Variants in AMBP observed in about 807,000 individuals in gnomAD.
The protein encoded by AMBP is protein AMBP.
A neutral mutation model predicts 46.3 loss-of-function variants in AMBP; 37 were observed. That is an observed-to-expected ratio of 0.80 (90% CI 0.61 to 1.05). The LOEUF is 1.05. Among genes scored for constraint, AMBP ranks in the 50% least tolerant of loss-of-function variants. The pLI is 0.00. For synonymous variants in AMBP, 174 were observed against 175.9 expected, an observed-to-expected ratio of 0.99 and a Z score of 0.09; for missense variants, 475 against 461.2, an observed-to-expected ratio of 1.03 and a Z score of -0.27.
At chr9:114,073,267 GAC>G (rs1846765133) in intron 4 of AMBP, among the ~76,000 whole-genome samples, 1 of 148,308 alleles carries the variant, frequency 6.7e-6, no homozygotes. Context: ...TTTTTTTTGA[GAC>G]GGAGTCTCAC....
intron 5 of AMBP, 27 bp from the exon 6 acceptor site, chr9:114,069,772 T>C: frequency 2.5e-6 from 4 of 1,613,194 alleles, no homozygotes; most frequent in Non-Finnish European, 3.4e-6. Flanking sequence ...GAGAGAGGAG[T>C]GAATAACAGG....
chr9:114,065,547 A>G (rs1846685952), intron 6 of AMBP, among the ~76,000 whole-genome samples: 1 of 152,144 alleles, frequency 6.6e-6, no homozygotes, highest in African/African-American at 2.4e-5. Context: ...TTAAATCCCC[A>G]GCTTGTGGTT....
chr9:114,078,102 A>C lies in AMBP; in HGVS notation c.108T>G (p.Asn36Lys). ...PDNIQVQENF[N>K]ISRIYGKWYN... Reference sequence around the variant, plus strand: ...AGAGCGGCAGCCTTACCCGAGAGATATTGAAGTTTTCCTGCACTTGGATGT... The same window carrying C: ...AGAGCGGCAGCCTTACCCGAGAGATCTTGAAGTTTTCCTGCACTTGGATGT... Residue 36 changes from asparagine to lysine, a missense_variant, in exon 1 of 10, where the codon AAT becomes AAG. This residue lies in a region of AMBP where 179 missense variants were observed against 167.4 expected (regional missense o/e 1.07). Coordinates refer to ENST00000265132, the MANE Select transcript of AMBP (RefSeq NM_001633.4). 6.2e-7 allele frequency: 1 copy of C among 1,613,984 alleles called. No homozygotes were observed. Among genetic ancestry groups the C allele is most frequent in the South Asian group, 1.1e-5 (1 of 91,078 alleles).
rs1252734028 is a variant in AMBP, at chr9:114,065,364, A to G, written c.604-2606T>C. Among the ~76,000 whole-genome samples, 18 of 152,170 alleles carry G rather than the reference A, an allele frequency of 1.2e-4. No homozygotes were observed. In the East Asian group the frequency reaches 3.5e-3, roughly 29 times the overall value. ...TGTGAAGATAAAGGTGGGAATTGGG[A>G]TGATGTTTTTAACAAGCCAAGGAAC... On this transcript the variant is annotated intron_variant, in intron 6 of 9. Coordinates refer to ENST00000265132, the MANE Select transcript of AMBP (RefSeq NM_001633.4).
chr9:114,063,454 A>G (rs748086272), intron 6 of AMBP, among the ~76,000 whole-genome samples: 5 of 152,230 alleles, frequency 3.3e-5, no homozygotes, highest in Non-Finnish European at 5.9e-5. Context: ...GAAAACTGTC[A>G]GGGACTTTCA....
chr9:114,060,909 C>T lies in AMBP; in HGVS notation c.1027+16G>A. ...CAGCCCCTCGGCCCAGCCTGGCACC[C>T]TGCAGGGCTGCCTACCATCACCAGG... On this transcript the variant is annotated intron_variant, in intron 9 of 9. Coordinates refer to ENST00000265132, the MANE Select transcript of AMBP (RefSeq NM_001633.4). 1 of 1,610,592 alleles carries T rather than the reference C, an allele frequency of 6.2e-7. No individual in the cohort carries two copies. Among genetic ancestry groups the T allele is most frequent in the Non-Finnish European group, 8.5e-7 (1 of 1,177,982 alleles).
At chr9:114,064,332 T>A (rs898318805) in intron 6 of AMBP, among the ~76,000 whole-genome samples, 1 of 152,154 alleles carries the variant, frequency 6.6e-6, no homozygotes, top group Admixed American at 6.5e-5. Flanking sequence ...CAATAAAATA[T>A]AGAGTTTTAC....
chr9:114,073,979 A>C (rs200619566), intron 4 of AMBP, 57 bp downstream of exon 4: 297 of 1,538,870 alleles, frequency 1.9e-4, no homozygotes, highest in Middle Eastern at 1.7e-4. Flanking sequence ...CACTGTCCAT[A>C]AATCAATGTC....
At chr9:114,075,070 C>T (rs1326015299) in intron 2 of AMBP, 34 bp from the exon 3 acceptor site, 2 of 1,584,342 alleles carry the variant, frequency 1.3e-6, no homozygotes, top group South Asian at 1.1e-5. Context: ...AAGGTCACTC[C>T]TGGTAGAGAT....
intron 5 of AMBP, 142 bp from the exon 6 acceptor site, chr9:114,069,887 G>A (rs781416080): frequency 2.5e-6 from 2 of 814,552 alleles, no homozygotes; most frequent in South Asian, 1.7e-5. Flanking sequence ...CTGCCTGTGT[G>A]GCTTGCTCAA....
intron 8 of AMBP, 154 bp downstream of exon 8, chr9:114,061,270 A>G: frequency 2.1e-6 from 3 of 1,420,824 alleles, no homozygotes; most frequent in South Asian, 1.3e-5. Context: ...GGTCCTCCAC[A>G]TCCAAAGGTG....
At chr9:114,063,996 T>C (rs1260664021) in intron 6 of AMBP, among the ~76,000 whole-genome samples, 1 of 152,234 alleles carries the variant, frequency 6.6e-6, no homozygotes, top group Admixed American at 6.5e-5. Context: ...GAGCTCCTTC[T>C]TGGACATTCC....
chr9:114,062,537 G>C (rs1846650864), intron 7 of AMBP, 140 bp downstream of exon 7: 1 of 817,436 alleles, frequency 1.2e-6, no homozygotes, highest in Non-Finnish European at 2.0e-6. Context: ...CAGAGTACTT[G>C]ATTTGCCTTT....
At chr9:114,060,889 C>A (rs200723457) in intron 9 of AMBP, 36 bp downstream of exon 9, 1 of 1,596,140 alleles carries the variant, frequency 6.3e-7, no homozygotes, top group African/African-American at 1.3e-5. Flanking sequence ...TCCAACAGCC[C>A]CTCGGCCCAG....
At chr9:114,072,167 C>T (rs1846752614) in intron 5 of AMBP, among the ~76,000 whole-genome samples, 1 of 152,184 alleles carries the variant, frequency 6.6e-6, no homozygotes, top group South Asian at 2.1e-4. Flanking sequence ...TTTGGGGAGC[C>T]CAGACCTGGG....
chr9:114,071,844 A>G (rs533828246), intron 5 of AMBP, among the ~76,000 whole-genome samples: 1 of 152,302 alleles, frequency 6.6e-6, no homozygotes, highest in African/African-American at 2.4e-5. Flanking sequence ...GCCTCAGCAG[A>G]TGACCTGCCT....
At position 114,074,128 on chromosome 9, in the gene AMBP, T is replaced by G; in HGVS notation, c.362A>C (p.Tyr121Ser). Reference protein sequence around the residue: ...KSKWNITMESYVVHTNYDEYA... With the variant: ...KSKWNITMESSVVHTNYDEYA... ...CTCATCATAGTTGGTGTGGACCACA[T>G]AGGACTCCATGGTTATGTTCCATTC... The change falls in exon 4 of 10, where the codon TAT becomes TCT. Residue 121 changes from tyrosine (Y) to serine (S), a missense_variant. Tyr to Ser is a moderately radical substitution (Grantham distance 144). Coordinates refer to ENST00000265132, the MANE Select transcript of AMBP (RefSeq NM_001633.4). 1.2e-6 allele frequency: 2 copies of G among 1,614,138 alleles called. No homozygotes were observed. The highest frequency in any genetic ancestry group is 1.7e-6 in the Non-Finnish European group (2 of 1,180,026).
intron 4 of AMBP, 144 bp from the exon 5 acceptor site, chr9:114,073,170 A>T (rs1846763756): frequency 1.4e-6 from 1 of 702,778 alleles, no homozygotes; most frequent in Admixed American, 2.9e-5. Flanking sequence ...CACTGAAGGA[A>T]AGACAGGCTC....
intron 6 of AMBP, among the ~76,000 whole-genome samples, chr9:114,065,494 G>A (rs184055057): frequency 3.9e-4 from 59 of 152,258 alleles, no homozygotes; most frequent in African/African-American, 1.4e-3. Context: ...CTTGATCTTG[G>A]ACTTCTGGCT....
Sources: allele counts gnomAD v4.1 joint callset (sites outside exome capture counted in the v4.1 genomes callset), GRCh38; gene constraint gnomAD v4.1.1; regional missense constraint gnomAD v4.1.1; transcripts MANE v1.5; gene names NCBI Gene and HGNC (gene_info 2026-07-23, HGNC 2026-07-21).